The following CDH12 variants were observed in gnomAD, a reference collection of about 807,000 sequenced individuals.
CDH12 encodes cadherin 12.
CDH12 carries 41 observed loss-of-function variants against 74.1 expected under a neutral mutation model. The ratio of observed to expected loss-of-function variants is 0.55; its 90% CI spans 0.43 to 0.72. The LOEUF (loss-of-function observed/expected upper bound fraction) is 0.72, where lower values mean the gene tolerates loss of function less well. CDH12 is among the 30% of genes least tolerant of loss of function. CDH12 has a pLI of 0.00. For synonymous variants in CDH12, 399 were observed against 355.0 expected (o/e 1.12, Z -1.39); for missense variants, 945 against 977.2 (o/e 0.97, Z 0.44).
At chr5:22,031,559 G>A (rs928748901) in intron 5 of CDH12, among the ~76,000 whole-genome samples, 2 of 152,018 alleles carry the variant, frequency 1.3e-5, no homozygotes, top group African/African-American at 2.4e-5. Flanking sequence ...AGCCTATCTC[G>A]CCTTTTAATG....
intron 1 of CDH12, among the ~76,000 whole-genome samples, chr5:22,617,358 C>A (rs374688145): frequency 6.6e-5 from 10 of 151,922 alleles, no homozygotes; most frequent in Admixed American, 1.3e-4. Flanking sequence ...TTACAGTGAC[C>A]CAATCTATAA....
chr5:22,470,836 T>C (rs936937292), intron 2 of CDH12, among the ~76,000 whole-genome samples: 1 of 147,418 alleles, frequency 6.8e-6, no homozygotes, highest in Non-Finnish European at 1.5e-5. Flanking sequence ...TTTTTTTCCA[T>C]CATACTCTCC....
chr5:22,385,051 T>C (rs912054370), intron 3 of CDH12, among the ~76,000 whole-genome samples: 5 of 152,146 alleles, frequency 3.3e-5, no homozygotes, highest in African/African-American at 1.2e-4. Flanking sequence ...TAGAGTGAAC[T>C]CTTATGAATC....
Position 22,138,873 on chromosome 5 carries a change from T to TATATATATATATATATATAC in CDH12, c.-186-60012_-186-60011insGTATATATATATATATATAT, listed in dbSNP as rs1561151408. Among the ~76,000 whole-genome samples, 10 of 139,410 alleles carry TATATATATATATATATATAC rather than the reference T, an allele frequency of 7.2e-5. 1 individual carries two copies. Among genetic ancestry groups the TATATATATATATATATATAC allele is most frequent in the Non-Finnish European group, 1.2e-4 (8 of 64,030 alleles). 91.5% of individuals were successfully genotyped at this position (139,410 alleles called of 152,430 possible). On this transcript the variant is annotated intron_variant, in intron 4 of 14. Coordinates refer to ENST00000382254, the MANE Select transcript of CDH12 (RefSeq NM_004061.5). ...ATATATATATATATATATATATATA[T>TATATATATATATATATATAC]ATACATGTTGGACTCATCGATGTAC...
intron 2 of CDH12, among the ~76,000 whole-genome samples, chr5:22,426,187 A>G (rs1743929252): frequency 1.3e-5 from 1 of 74,468 alleles, no homozygotes; most frequent in African/African-American, 4.8e-5. Flanking sequence ...ATCCATCTCA[A>G]AAAAAAGAAA....
At chr5:22,158,314 T>C (rs1184202964) in intron 4 of CDH12, among the ~76,000 whole-genome samples, 12 of 152,076 alleles carry the variant, frequency 7.9e-5, no homozygotes, top group Admixed American at 7.9e-4. Flanking sequence ...TGGCTGTATC[T>C]GTGTTTTTAC....
rs74363651 is a variant in CDH12, at chr5:22,033,200, G to T, written c.231+45246C>A. On this transcript the variant is annotated intron_variant, in intron 5 of 14. Coordinates refer to ENST00000382254, the MANE Select transcript of CDH12 (RefSeq NM_004061.5). Reference sequence around the variant, plus strand: ...ACATACATTCTGTGAGTAGAAAATGGAGCTGTAATTTATTGCTCCAGGAAA... The same window carrying T: ...ACATACATTCTGTGAGTAGAAAATGTAGCTGTAATTTATTGCTCCAGGAAA... Among the ~76,000 whole-genome samples the T allele has an allele frequency of 4.0e-3, 610 of 152,208 alleles. 8 individuals are homozygous for T. The highest frequency in any genetic ancestry group is 0.014 in the Middle Eastern group (4 of 292).
chr5:21,821,167 G>C (rs1342685126), intron 8 of CDH12, among the ~76,000 whole-genome samples: 2 of 151,686 alleles, frequency 1.3e-5, no homozygotes, highest in African/African-American at 4.8e-5. Flanking sequence ...TACTGATTAG[G>C]ACTTAAACTG....
chr5:22,168,440 C>A (rs1189048293), intron 4 of CDH12, among the ~76,000 whole-genome samples: 1 of 152,026 alleles, frequency 6.6e-6, no homozygotes, highest in Non-Finnish European at 1.5e-5. Context: ...TGTCAGAAAT[C>A]TTCGACGGAC....
At chr5:22,177,464 A>T (rs1749404336) in intron 4 of CDH12, among the ~76,000 whole-genome samples, 1 of 152,174 alleles carries the variant, frequency 6.6e-6, no homozygotes, top group African/African-American at 2.4e-5. Flanking sequence ...GCACAAGTAG[A>T]TATAGTATCA....
chr5:22,162,891 C>CT (rs70957097), intron 4 of CDH12, among the ~76,000 whole-genome samples: 28 of 80,500 alleles, frequency 3.5e-4, no homozygotes, highest in African/African-American at 1.3e-3. Flanking sequence ...TTCCCTCTGA[C>CT]TTTTTTTTTT....
chr5:22,110,521 A>T (rs148343158), intron 4 of CDH12, among the ~76,000 whole-genome samples: 1 of 151,838 alleles, frequency 6.6e-6, no homozygotes, highest in East Asian at 2.0e-4. Context: ...ATTGGAAGAC[A>T]GTGCAATCAT....
At chr5:21,870,505 C>A (rs1301318804) in intron 6 of CDH12, among the ~76,000 whole-genome samples, 1 of 152,108 alleles carries the variant, frequency 6.6e-6, no homozygotes, top group Non-Finnish European at 1.5e-5. Context: ...CCAGATGTAG[C>A]CATTCAATCC....
chr5:22,064,022 A>AC (rs1741386301), intron 5 of CDH12, among the ~76,000 whole-genome samples: 1 of 121,670 alleles, frequency 8.2e-6, no homozygotes, highest in Non-Finnish European at 1.8e-5. Context: ...CACACACACA[A>AC]ACACACACAC....
At chr5:22,590,422 T>C (rs1314563299) in intron 1 of CDH12, among the ~76,000 whole-genome samples, 1 of 152,174 alleles carries the variant, frequency 6.6e-6, no homozygotes, top group Non-Finnish European at 1.5e-5. Flanking sequence ...ATGTAAAGTC[T>C]GGATCTTTTA....
chr5:21,781,008 A>G (rs937754610), intron 11 of CDH12, among the ~76,000 whole-genome samples: 3 of 152,168 alleles, frequency 2.0e-5, no homozygotes, highest in Non-Finnish European at 2.9e-5. Context: ...GGAGACTGTC[A>G]TTCTCTTCTC....
chr5:22,268,171 A>C (rs2150398347), intron 3 of CDH12, among the ~76,000 whole-genome samples: 1 of 152,224 alleles, frequency 6.6e-6, no homozygotes, highest in Admixed American at 6.5e-5. Context: ...ATAGTCACTT[A>C]GAATGAAGCC....
At chr5:22,332,518 G>A (rs1158186515) in intron 3 of CDH12, among the ~76,000 whole-genome samples, 1 of 152,078 alleles carries the variant, frequency 6.6e-6, no homozygotes. Flanking sequence ...TAACATCAGA[G>A]TGAACAAGCC....
intron 13 of CDH12, among the ~76,000 whole-genome samples, chr5:21,756,694 T>C (rs1744416299): frequency 6.6e-6 from 1 of 152,214 alleles, no homozygotes; most frequent in Non-Finnish European, 1.5e-5. Flanking sequence ...AAACGCTTTG[T>C]TATTTTTAGA....
Sources: gnomAD v4.1 joint callset for allele counts (sites outside exome capture counted in the v4.1 genomes callset) on GRCh38, gnomAD v4.1.1 for gene constraint, MANE v1.5 for transcripts, NCBI Gene and HGNC (gene_info 2026-07-23, HGNC 2026-07-21) for gene names.